MYO16: variants seen among roughly 807,000 people sequenced by gnomAD.
MYO16 encodes myosin XVI.
A neutral mutation model predicts 205.3 loss-of-function variants in MYO16; 94 were observed. That is an observed-to-expected ratio of 0.46 (90% CI 0.39 to 0.54). The LOEUF (loss-of-function observed/expected upper bound fraction) is 0.54. Ranked by LOEUF, MYO16 falls within the 20% of genes least tolerant of loss-of-function variation. The pLI, the probability that MYO16 is intolerant of heterozygous loss-of-function variation, is 0.00. For synonymous variants in MYO16, 988 were observed against 954.0 expected, an observed-to-expected ratio of 1.04 and a Z score of -0.66; for missense variants, 2,315 against 2,387.5, an observed-to-expected ratio of 0.97 and a Z score of 0.63.
chr13:108,650,842 C>T (rs993846727), intron 1 of MYO16, among the ~76,000 whole-genome samples: 1 of 152,082 alleles, frequency 6.6e-6, no homozygotes, highest in Admixed American at 6.6e-5. Flanking sequence ...CAGCATATGA[C>T]GCTTCATCTG....
chr13:108,724,368 C>G (rs987750063), intron 3 of MYO16, among the ~76,000 whole-genome samples: 6 of 152,126 alleles, frequency 3.9e-5, no homozygotes, highest in African/African-American at 1.4e-4. Flanking sequence ...AGTGAACATG[C>G]TTGTCATCTT....
intron 1 of MYO16, among the ~76,000 whole-genome samples, chr13:108,661,221 T>C (rs1594186073): frequency 6.6e-6 from 1 of 152,188 alleles, no homozygotes; most frequent in Non-Finnish European, 1.5e-5. Context: ...TAAGATTCTT[T>C]ACTTCATCTT....
At chr13:109,081,620 G>T (rs1888283138) in intron 27 of MYO16, among the ~76,000 whole-genome samples, 1 of 152,088 alleles carries the variant, frequency 6.6e-6, no homozygotes, top group South Asian at 2.1e-4. Context: ...TGCAAAAGAG[G>T]AGCTCCCAGA....
intron 8 of MYO16, 73 bp downstream of exon 8, chr13:108,820,485 C>G: frequency 8.0e-7 from 1 of 1,245,500 alleles, no homozygotes; most frequent in East Asian, 2.5e-5. Context: ...AGCCATCCAT[C>G]TTCAGCACAG....
At chr13:108,818,578 TC>T (rs1318978097) in intron 7 of MYO16, among the ~76,000 whole-genome samples, 8 of 152,034 alleles carry the variant, frequency 5.3e-5, no homozygotes, top group African/African-American at 1.7e-4. Context: ...CAACAATACC[TC>T]AAATTGGTTC....
chr13:109,127,707 A>G lies in MYO16; in HGVS notation c.4051+157A>G, dbSNP rs1876334155. 7 of 717,630 alleles carry G rather than the reference A, an allele frequency of 9.8e-6. No homozygotes were observed. Among genetic ancestry groups the G allele is most frequent in the Admixed American group, 6.0e-5 (2 of 33,448 alleles). The allele number at this position is 717,630 out of a possible 1,614,324, so 44.5% of individuals were successfully genotyped here. ...AGCAGCTCTTAATCATTAAATATAA[A>G]TAATATTTATTCAAATCTCTAAGCC... On this transcript the variant is annotated intron_variant, in intron 31 of 34. Transcript: ENST00000457511. The surrounding 1 kb of genome is among the most constrained non-coding windows in gnomAD (Gnocchi z 4.2).
At chr13:108,791,294 CA>C (rs1886608523) in intron 5 of MYO16, among the ~76,000 whole-genome samples, 1 of 152,148 alleles carries the variant, frequency 6.6e-6, no homozygotes, top group African/African-American at 2.4e-5. Context: ...ATACATTATT[CA>C]AATACTGCAT....
chr13:108,679,551 A>T (rs1882370933), intron 2 of MYO16, among the ~76,000 whole-genome samples: 1 of 151,956 alleles, frequency 6.6e-6, no homozygotes, highest in African/African-American at 2.4e-5. Flanking sequence ...GGGGACCCTC[A>T]GTCCCCACTG....
intron 4 of MYO16, among the ~76,000 whole-genome samples, chr13:108,764,032 T>C (rs1054107380): frequency 9.2e-5 from 14 of 152,072 alleles, no homozygotes; most frequent in African/African-American, 3.4e-4. Context: ...GAAAAATAAA[T>C]TGAGAGTTTT....
At chr13:108,767,082 T>A (rs1885800173) in intron 4 of MYO16, among the ~76,000 whole-genome samples, 1 of 150,020 alleles carries the variant, frequency 6.7e-6, no homozygotes, top group South Asian at 2.2e-4. Context: ...TGTATCTGGG[T>A]TTTTGTTTGT....
chr13:108,707,873 T>A (rs1055449171), intron 2 of MYO16, among the ~76,000 whole-genome samples: 1 of 152,072 alleles, frequency 6.6e-6, no homozygotes, highest in Non-Finnish European at 1.5e-5. Context: ...AGCTCCTAAA[T>A]CAAAGGATTG....
the MYO16 span, among the ~76,000 whole-genome samples, chr13:108,572,282 A>T: frequency 6.6e-6 from 1 of 152,054 alleles, no homozygotes; most frequent in Non-Finnish European, 1.5e-5. Flanking sequence ...CTTTACAAAC[A>T]CTGAAGTTTT....
At chr13:108,517,726 A>T in the MYO16 span, among the ~76,000 whole-genome samples, 6 of 152,206 alleles carry the variant, frequency 3.9e-5, no homozygotes, top group Non-Finnish European at 8.8e-5. Context: ...TTTGCTGCTC[A>T]GTATTTTGTT....
chr13:108,566,743 AAGGAAGGAAGGAAGG>A, the MYO16 span, among the ~76,000 whole-genome samples: 4 of 66,082 alleles, frequency 6.1e-5, no homozygotes, highest in African/African-American at 2.2e-4. Flanking sequence ...GGGAGGAAGG[AAGGAAGGAAGGAAGG>A]AAGGAAGGAA....
chr13:108,951,818 A>G (rs895542208), intron 16 of MYO16, among the ~76,000 whole-genome samples: 11 of 152,112 alleles, frequency 7.2e-5, no homozygotes, highest in Admixed American at 4.6e-4. Context: ...AAATACAACT[A>G]TCGGCCTGGC....
At chr13:108,547,255 G>T in the MYO16 span, among the ~76,000 whole-genome samples, 103 of 146,008 alleles carry the variant, frequency 7.1e-4, no homozygotes, top group South Asian at 0.02. Flanking sequence ...CTGGCCAACA[G>T]AGCAAGACTC....
chr13:108,649,688 C>T, intron 1 of MYO16, among the ~76,000 whole-genome samples: 1 of 152,118 alleles, frequency 6.6e-6, no homozygotes, highest in East Asian at 1.9e-4. Flanking sequence ...GGTATAATAA[C>T]AAACTTGTTT....
chr13:108,661,937 C>A (rs1194564439), intron 1 of MYO16, among the ~76,000 whole-genome samples: 2 of 152,170 alleles, frequency 1.3e-5, no homozygotes, highest in Admixed American at 6.5e-5. Context: ...AGGTCTAGGG[C>A]TGAAGGCTGT....
At chr13:108,641,974 T>C (rs1414463732) in intron 1 of MYO16, among the ~76,000 whole-genome samples, 1 of 152,156 alleles carries the variant, frequency 6.6e-6, no homozygotes, top group Admixed American at 6.5e-5. Context: ...GAGACTCCAC[T>C]GCTACTTATG....
Sources: gnomAD v4.1 joint callset for allele counts (sites outside exome capture counted in the v4.1 genomes callset) on GRCh38, gnomAD v4.1.1 for gene constraint, Gnocchi (gnomAD v3.1) non-coding constraint, MANE v1.5 for transcripts, NCBI Gene and HGNC (gene_info 2026-07-23, HGNC 2026-07-21) for gene names.